Variants in TUNAR observed in about 807,000 individuals in gnomAD.
The protein encoded by TUNAR is protein TUNAR.
intron 2 of TUNAR, among the ~76,000 whole-genome samples, chr14:95,908,820 C>G (rs954314945): frequency 7.2e-5 from 11 of 152,192 alleles, no homozygotes; most frequent in African/African-American, 2.7e-4. Context: ...GGTGACACAG[C>G]TCAGTGAGGG....
exon 3 of TUNAR, chr14:95,924,806 C>T (rs753350906): frequency 2.6e-5 from 4 of 152,244 alleles, no homozygotes; most frequent in Non-Finnish European, 4.4e-5. Flanking sequence ...TACAGCCAAA[C>T]TCTATCACCA....
At chr14:95,923,937 A>G (rs1163137060) in exon 3 of TUNAR, 1 of 152,106 alleles carries the variant, frequency 6.6e-6, no homozygotes, top group African/African-American at 2.4e-5. Flanking sequence ...AGATCAGCTT[A>G]AAATTAAAAG....
chr14:95,921,997 G>C (rs1433013948), intron 2 of TUNAR, among the ~76,000 whole-genome samples: 1 of 152,022 alleles, frequency 6.6e-6, no homozygotes, highest in Non-Finnish European at 1.5e-5. Context: ...TGCATATCTG[G>C]GTAACTTCCA....
chr14:95,917,091 T>G (rs888038380), intron 2 of TUNAR, among the ~76,000 whole-genome samples: 7 of 152,234 alleles, frequency 4.6e-5, no homozygotes, highest in Non-Finnish European at 1.0e-4. Flanking sequence ...AATTTCATAA[T>G]TTTCCTTATA....
chr14:95,887,286 C>T (rs1566785539), intron 2 of TUNAR, among the ~76,000 whole-genome samples: 1 of 152,322 alleles, frequency 6.6e-6, no homozygotes, highest in East Asian at 1.9e-4. Flanking sequence ...TGGGGTGAAC[C>T]TTGCTTGGCA....
intron 2 of TUNAR, among the ~76,000 whole-genome samples, chr14:95,891,754 A>G (rs1190817735): frequency 6.6e-6 from 1 of 152,236 alleles, no homozygotes; most frequent in Non-Finnish European, 1.5e-5. Context: ...GATTAAGACA[A>G]CAGAAATGTA....
intron 2 of TUNAR, among the ~76,000 whole-genome samples, chr14:95,911,670 C>T (rs8017850): frequency 0.17 from 25,876 of 152,082 alleles, 2,931 homozygotes; most frequent in African/African-American, 0.31. Flanking sequence ...GTTCTCAAGA[C>T]GGAGAAACAC....
At chr14:95,882,748 G>A (rs1889000266) in intron 2 of TUNAR, among the ~76,000 whole-genome samples, 1 of 152,164 alleles carries the variant, frequency 6.6e-6, no homozygotes, top group Non-Finnish European at 1.5e-5. Context: ...AGAATGCCCA[G>A]GGCATTTTTC....
At chr14:95,885,204 C>T (rs1595115238) in intron 2 of TUNAR, among the ~76,000 whole-genome samples, 2 of 152,320 alleles carry the variant, frequency 1.3e-5, no homozygotes, top group East Asian at 3.9e-4. Flanking sequence ...AGATGCCTTA[C>T]CTTGAATCGT....
chr14:95,911,582 G>A (rs186097901), intron 2 of TUNAR, among the ~76,000 whole-genome samples: 38 of 152,284 alleles, frequency 2.5e-4, no homozygotes, highest in Non-Finnish European at 1.0e-4. Flanking sequence ...GTCAGACAAC[G>A]ATGCTAAATT....
chr14:95,920,883 C>T (rs1285775267), intron 2 of TUNAR, among the ~76,000 whole-genome samples: 2 of 152,106 alleles, frequency 1.3e-5, no homozygotes, highest in Non-Finnish European at 2.9e-5. Flanking sequence ...ATTTATTATA[C>T]AGAGTTGACT....
At chr14:95,899,205 C>T (rs184931839) in intron 2 of TUNAR, among the ~76,000 whole-genome samples, 176 of 152,290 alleles carry the variant, frequency 1.2e-3, no homozygotes, top group African/African-American at 3.8e-3. Context: ...CTGGAGGACC[C>T]AGGAGTTCTG....
intron 2 of TUNAR, among the ~76,000 whole-genome samples, chr14:95,913,453 T>C (rs1463802716): frequency 6.6e-6 from 1 of 152,200 alleles, no homozygotes; most frequent in Non-Finnish European, 1.5e-5. Flanking sequence ...TTGCTGAGAA[T>C]GGTCACCATC....
chr14:95,919,366 T>C (rs1329547990), intron 2 of TUNAR, among the ~76,000 whole-genome samples: 2 of 152,212 alleles, frequency 1.3e-5, no homozygotes, highest in Non-Finnish European at 2.9e-5. Flanking sequence ...ATAAAAACTG[T>C]AGTTAAAACA....
chr14:95,883,951 C>G (rs1014598540), intron 2 of TUNAR, among the ~76,000 whole-genome samples: 7 of 152,120 alleles, frequency 4.6e-5, no homozygotes, highest in African/African-American at 1.7e-4. Flanking sequence ...TCACCTTGAG[C>G]ACAGTGGTGT....
intron 2 of TUNAR, among the ~76,000 whole-genome samples, chr14:95,914,191 C>CA (rs1246238428): frequency 6.6e-6 from 1 of 152,186 alleles, no homozygotes; most frequent in Non-Finnish European, 1.5e-5. Context: ...AGAGGGTGCA[C>CA]ATCCAGTGTG....
intron 2 of TUNAR, among the ~76,000 whole-genome samples, chr14:95,911,210 C>A (rs772731667): frequency 6.6e-6 from 1 of 152,176 alleles, no homozygotes; most frequent in Non-Finnish European, 1.5e-5. Context: ...CAGCCCTACT[C>A]GATGTAGCAT....
intron 2 of TUNAR, among the ~76,000 whole-genome samples, chr14:95,881,615 C>G (rs1888979497): frequency 6.6e-6 from 1 of 152,174 alleles, no homozygotes; most frequent in Non-Finnish European, 1.5e-5. Context: ...TTCTGGGACT[C>G]GGGAGGAAAT....
intron 2 of TUNAR, among the ~76,000 whole-genome samples, chr14:95,881,794 T>C (rs529040105): frequency 6.6e-4 from 100 of 152,216 alleles, no homozygotes; most frequent in African/African-American, 2.4e-3. Context: ...GATTCCAGAG[T>C]CCTGTTGGTA....
Sources: allele counts gnomAD v4.1 joint callset (sites outside exome capture counted in the v4.1 genomes callset), GRCh38; gene constraint gnomAD v4.1.1; transcripts MANE v1.5; gene names NCBI Gene and HGNC (gene_info 2026-07-23, HGNC 2026-07-21).